FANCC: variants seen among roughly 807,000 people sequenced by gnomAD.
The protein encoded by FANCC is FA complementation group C.
In FANCC, 55 loss-of-function variants were observed where a neutral mutation model predicts 71.3. The ratio of observed to expected loss-of-function variants is 0.77; its 90% CI spans 0.62 to 0.97. FANCC has a LOEUF of 0.97. FANCC is among the 50% of genes least tolerant of loss of function. The pLI, the probability that FANCC is intolerant of heterozygous loss-of-function variation, is 0.00. For missense variants in FANCC, 678 were observed against 670.9 expected, an observed-to-expected ratio of 1.01 and a Z score of -0.12; for synonymous variants, 275 against 244.9, an observed-to-expected ratio of 1.12 and a Z score of -1.15.
At chr9:95,253,649 T>TTC (rs1232794887) in intron 1 of FANCC, among the ~76,000 whole-genome samples, 1 of 152,142 alleles carries the variant, frequency 6.6e-6, no homozygotes, top group Non-Finnish European at 1.5e-5. Context: ...TTTCAGATAT[T>TTC]TCTCTTTTAA....
At chr9:95,290,285 T>C (rs963680450) in intron 1 of FANCC, among the ~76,000 whole-genome samples, 36 of 152,306 alleles carry the variant, frequency 2.4e-4, no homozygotes, top group African/African-American at 8.7e-4. Flanking sequence ...TGGGATCATA[T>C]ATGCTCCATC....
chr9:95,314,634 C>G (rs1450757218), intron 1 of FANCC, among the ~76,000 whole-genome samples: 1 of 151,352 alleles, frequency 6.6e-6, no homozygotes, highest in East Asian at 1.9e-4. Context: ...TCTGGGCAAA[C>G]AGAGCGAGAC....
intron 4 of FANCC, among the ~76,000 whole-genome samples, chr9:95,180,211 C>A (rs1826253232): frequency 6.6e-6 from 1 of 152,186 alleles, no homozygotes; most frequent in South Asian, 2.1e-4. Flanking sequence ...CACATCTTGT[C>A]CCACTGGAAG....
chr9:95,114,521 G>C, intron 12 of FANCC, 108 bp downstream of exon 12: 1 of 985,566 alleles, frequency 1.0e-6, no homozygotes, highest in Non-Finnish European at 1.6e-6. Context: ...GTTTGGTGAT[G>C]GTCCCAGACC....
chr9:95,294,813 C>T (rs1834273663), intron 1 of FANCC: 9 of 1,538,282 alleles, frequency 5.9e-6, no homozygotes, highest in African/African-American at 1.4e-5. Flanking sequence ...ACTTCTAAAA[C>T]TAACAGTGGA....
intron 4 of FANCC, among the ~76,000 whole-genome samples, chr9:95,209,137 A>C (rs888758986): frequency 6.6e-6 from 1 of 152,234 alleles, no homozygotes; most frequent in Non-Finnish European, 1.5e-5. Context: ...AAATGGCTAG[A>C]TAATCTATGA....
intron 7 of FANCC, among the ~76,000 whole-genome samples, chr9:95,146,315 C>T (rs900074126): frequency 1.7e-4 from 25 of 151,204 alleles, no homozygotes; most frequent in Admixed American, 6.6e-5. Flanking sequence ...GGTGAAATGC[C>T]GTCTCTACCG....
intron 4 of FANCC, among the ~76,000 whole-genome samples, chr9:95,230,940 T>C (rs1829972976): frequency 6.6e-6 from 1 of 151,898 alleles, no homozygotes; most frequent in South Asian, 2.1e-4. Flanking sequence ...TACAGAGTGC[T>C]GATTGGTGTG....
chr9:95,232,213 A>G (rs998675594), intron 4 of FANCC, among the ~76,000 whole-genome samples: 1 of 152,208 alleles, frequency 6.6e-6, no homozygotes, highest in African/African-American at 2.4e-5. Flanking sequence ...TAGTAGTACC[A>G]GGGGGATGGT....
At chr9:95,157,653 T>C (rs968667762) in intron 6 of FANCC, among the ~76,000 whole-genome samples, 5 of 152,196 alleles carry the variant, frequency 3.3e-5, no homozygotes, top group Non-Finnish European at 7.3e-5. Context: ...CTTAGTGTAA[T>C]TCAATCTGGA....
chr9:95,256,605 G>A (rs1481076124), intron 1 of FANCC, among the ~76,000 whole-genome samples: 2 of 152,074 alleles, frequency 1.3e-5, no homozygotes, highest in Non-Finnish European at 2.9e-5. Flanking sequence ...AAAGACTATC[G>A]ACTCTGTGAA....
intron 1 of FANCC, among the ~76,000 whole-genome samples, chr9:95,299,056 T>C (rs973162617): frequency 1.3e-5 from 2 of 152,258 alleles, no homozygotes; most frequent in African/African-American, 4.8e-5. Context: ...GTTTTTCTAT[T>C]TAAGTGTTGA....
chr9:95,203,918 G>A (rs1443596696), intron 4 of FANCC, among the ~76,000 whole-genome samples: 1 of 152,174 alleles, frequency 6.6e-6, no homozygotes, highest in African/African-American at 2.4e-5. Context: ...CTGGAAAAGG[G>A]AGGACCTTGT....
intron 6 of FANCC, among the ~76,000 whole-genome samples, chr9:95,158,403 T>TATGGAAGGTAAAAAGCACTA (rs2135497171): frequency 6.6e-6 from 1 of 152,218 alleles, no homozygotes; most frequent in East Asian, 1.9e-4. Flanking sequence ...AAGGTAAATG[T>TATGGAAGGTAAAAAGCACTA]TGAAAGGATA....
intron 1 of FANCC, among the ~76,000 whole-genome samples, chr9:95,298,357 G>A (rs532449160): frequency 6.6e-6 from 1 of 152,296 alleles, no homozygotes; most frequent in African/African-American, 2.4e-5. Flanking sequence ...GATAGGCTCA[G>A]CTTAGGGCAT....
intron 1 of FANCC, among the ~76,000 whole-genome samples, chr9:95,291,967 A>AATATATAT (rs34066396): frequency 2.8e-3 from 139 of 50,408 alleles, no homozygotes; most frequent in East Asian, 7.5e-3. Context: ...AAAAAAAAAA[A>AATATATAT]ATATATATAT....
intron 6 of FANCC, among the ~76,000 whole-genome samples, chr9:95,163,951 C>A (rs1276789117): frequency 6.6e-6 from 1 of 152,214 alleles, no homozygotes; most frequent in African/African-American, 2.4e-5. Context: ...TTTCTTTTAG[C>A]AATGTATAGC....
intron 10 of FANCC, chr9:95,123,705 A>T (rs773288103): frequency 1.5e-6 from 1 of 685,936 alleles, no homozygotes. Flanking sequence ...TTTGATGCCT[A>T]TGTGCTTCCC....
chr9:95,228,413 C>G (rs946402574), intron 4 of FANCC, among the ~76,000 whole-genome samples: 1 of 152,216 alleles, frequency 6.6e-6, no homozygotes, highest in African/African-American at 2.4e-5. Flanking sequence ...CCATGGTCAA[C>G]TTTGTCCATT....
Sources: gnomAD v4.1 joint callset for allele counts (sites outside exome capture counted in the v4.1 genomes callset) on GRCh38, gnomAD v4.1.1 for gene constraint, MANE v1.5 for transcripts, NCBI Gene and HGNC (gene_info 2026-07-23, HGNC 2026-07-21) for gene names.